The following PHGDH variants were observed in gnomAD, a reference collection of about 807,000 sequenced individuals.
PHGDH encodes D-3-phosphoglycerate dehydrogenase.
In PHGDH, 50 loss-of-function variants were observed where a neutral mutation model predicts 52.6. The observed-to-expected ratio is 0.95, with a 90% CI of 0.76 to 1.20. The LOEUF (loss-of-function observed/expected upper bound fraction) is 1.20, where lower values mean the gene tolerates loss of function less well. Ranked by LOEUF, PHGDH falls within the 50% of genes most tolerant of loss-of-function variation. The pLI is 0.00. For synonymous variants in PHGDH, 271 were observed against 280.5 expected, an observed-to-expected ratio of 0.97 and a Z score of 0.34; for missense variants, 630 against 684.6, an observed-to-expected ratio of 0.92 and a Z score of 0.89.
rs1261881469 is a variant in PHGDH at position 119,744,151 on chromosome 1, C to T, written c.*111C>T. On this transcript the variant is annotated 3_prime_UTR_variant, in exon 12 of 12. Transcript: ENST00000641023. ...TTGGGCTGAACGCGGGCCTCTGACA[C>T]TGCTTACACTGCACTCTGACCCTGT... 1 of 912,270 alleles carries T rather than the reference C, an allele frequency of 1.1e-6. No homozygotes were observed. Among genetic ancestry groups the T allele is most frequent in the East Asian group, 2.4e-5 (1 of 41,798 alleles). 56.5% of individuals were successfully genotyped at this position (912,270 alleles called of 1,614,324 possible). A position where few individuals can be genotyped will look rare whatever the true frequency, so the allele number is the denominator to read the frequency against.
At chr1:119,715,506 A>T (rs905481842) in intron 1 of PHGDH, among the ~76,000 whole-genome samples, 15 of 152,218 alleles carry the variant, frequency 9.9e-5, no homozygotes, top group African/African-American at 3.6e-4. Context: ...ATAGCTGGGG[A>T]ACATGACCTG....
At chr1:119,735,991 G>A (rs1257374978) in intron 7 of PHGDH, among the ~76,000 whole-genome samples, 2 of 152,186 alleles carry the variant, frequency 1.3e-5, no homozygotes, top group Non-Finnish European at 2.9e-5. Flanking sequence ...ATCCAGTAGG[G>A]AAGAGTGCAT....
chr1:119,742,155 G>T, intron 10 of PHGDH: 1 of 523,588 alleles, frequency 1.9e-6, no homozygotes, highest in Non-Finnish European at 3.5e-6. Flanking sequence ...CACAGCCAAA[G>T]AAAATGACGA....
chr1:119,717,725 C>G (rs587754077), intron 1 of PHGDH, among the ~76,000 whole-genome samples: 2 of 152,162 alleles, frequency 1.3e-5, no homozygotes, highest in East Asian at 3.9e-4. Flanking sequence ...ACTGATTTGT[C>G]AATTTCTGAA....
intron 1 of PHGDH, chr1:119,720,273 T>C (rs1236953226): frequency 6.6e-6 from 1 of 152,220 alleles, no homozygotes; most frequent in Non-Finnish European, 1.5e-5. Context: ...CATATGTATA[T>C]TTTTAGTCTA....
chr1:119,712,042 G>A lies in PHGDH; in HGVS notation c.20G>A (p.Arg7Gln), dbSNP rs1650717022. The A allele has an allele frequency of 6.2e-7, 1 of 1,614,166 alleles. No homozygotes were observed. The highest frequency in any genetic ancestry group is 8.5e-7 in the Non-Finnish European group (1 of 1,180,030). Residue 7 changes from arginine to glutamine, a missense_variant, in exon 1 of 12, where the codon CGG becomes CAG. Physicochemically the swap from Arg to Gln is conservative, Grantham distance 43. Transcript: ENST00000641023. MAFANL[R>Q]KVLISDSLDP... is the part of the protein sequence containing the mutation. The stretch of plus-strand genomic sequence containing the variant: ...CCAGCAATGGCTTTTGCAAATCTGC[G>A]GAAAGTGCTCATCAGTGACAGCCTG...
chr1:119,713,059 G>T (rs587607107), intron 1 of PHGDH: 3 of 152,244 alleles, frequency 2.0e-5, no homozygotes, highest in African/African-American at 7.2e-5. Context: ...GTTTGAAAAG[G>T]CCTGCTGGGC....
intron 9 of PHGDH, among the ~76,000 whole-genome samples, chr1:119,741,252 G>A (rs936664262): frequency 2.0e-5 from 3 of 152,176 alleles, no homozygotes; most frequent in Non-Finnish European, 2.9e-5. Context: ...TGCAGGGAGA[G>A]GGCAGCTAAA....
At position 119,711,943 on chromosome 1, in the gene PHGDH, C is replaced by A; in HGVS notation, c.-80C>A. On this transcript the variant is annotated 5_prime_UTR_variant, in exon 1 of 12. Coordinates refer to ENST00000641023, the MANE Select transcript of PHGDH (RefSeq NM_006623.4). ...AGCTGGAGAATACTGCCCAGTTACT[C>A]TAGCGCGCCAGGCCGAACCGCAGCT... 1 of 1,481,588 alleles carries A rather than the reference C, an allele frequency of 6.7e-7. No homozygotes were observed. Among genetic ancestry groups the A allele is most frequent in the Non-Finnish European group, 9.4e-7 (1 of 1,061,598 alleles). The allele number at this position is 1,481,588 out of a possible 1,614,324, so 91.8% of individuals were successfully genotyped here. A position where few individuals can be genotyped will look rare whatever the true frequency, so the allele number is the denominator to read the frequency against.
intron 5 of PHGDH, among the ~76,000 whole-genome samples, chr1:119,731,197 G>A (rs997357590): frequency 2.6e-5 from 4 of 152,162 alleles, no homozygotes; most frequent in Non-Finnish European, 4.4e-5. Flanking sequence ...TATGGCTTCC[G>A]GAGCAAGGGA....
chr1:119,738,530 G>A (rs1443972686), intron 8 of PHGDH, among the ~76,000 whole-genome samples: 1 of 152,214 alleles, frequency 6.6e-6, no homozygotes, highest in Non-Finnish European at 1.5e-5. Context: ...TCTTGCACCT[G>A]GTCGGCCTCT....
chr1:119,739,682 C>G (rs1652099689), intron 8 of PHGDH: 2 of 152,232 alleles, frequency 1.3e-5, no homozygotes, highest in African/African-American at 4.8e-5. Context: ...TGGCCAGATG[C>G]CTAACTCAGA....
At chr1:119,724,091 T>C (rs1651288322) in intron 3 of PHGDH, among the ~76,000 whole-genome samples, 1 of 152,098 alleles carries the variant, frequency 6.6e-6, no homozygotes, top group Admixed American at 6.5e-5. Context: ...AATCAAATGG[T>C]TGTGGCACAG....
At chr1:119,742,372 G>T in intron 10 of PHGDH, 1 of 363,876 alleles carries the variant, frequency 2.7e-6, no homozygotes, top group South Asian at 2.5e-5. Context: ...CTGTTGCTCA[G>T]CCAGTGGGAG....
intron 3 of PHGDH, chr1:119,726,518 A>G (rs1347881581): frequency 4.5e-6 from 2 of 446,194 alleles, no homozygotes; most frequent in South Asian, 2.2e-5. Flanking sequence ...TACCCCACTC[A>G]GTTATCCCTA....
chr1:119,712,261 C>CT, intron 1 of PHGDH, 101 bp downstream of exon 1: 4 of 1,043,634 alleles, frequency 3.8e-6, no homozygotes, highest in Non-Finnish European at 5.8e-6. Context: ...CACCCCGTAT[C>CT]AATTAGTTCC....
intron 10 of PHGDH, chr1:119,742,356 C>T (rs1652247662): frequency 5.5e-6 from 2 of 361,088 alleles, no homozygotes; most frequent in African/African-American, 2.1e-5. Context: ...AAGTCTGTTT[C>T]AAAGCCTGTT....
intron 3 of PHGDH, chr1:119,724,855 C>T: frequency 2.2e-6 from 1 of 456,680 alleles, no homozygotes; most frequent in Non-Finnish European, 4.4e-6. Flanking sequence ...CAACTGCTCA[C>T]CATGACCTCA....
At chr1:119,739,289 A>T (rs1203540928) in intron 8 of PHGDH, among the ~76,000 whole-genome samples, 2 of 152,128 alleles carry the variant, frequency 1.3e-5, no homozygotes, top group Non-Finnish European at 2.9e-5. Context: ...GGGCCCTCTT[A>T]GTTGGACTTT....
Sources: gnomAD v4.1 joint callset for allele counts (sites outside exome capture counted in the v4.1 genomes callset) on GRCh38, gnomAD v4.1.1 for gene constraint, MANE v1.5 for transcripts, NCBI Gene and HGNC (gene_info 2026-07-23, HGNC 2026-07-21) for gene names.